The following DPP10 variants were observed in gnomAD, a reference collection of about 807,000 sequenced individuals.
DPP10 encodes dipeptidyl peptidase like 10, also known as inactive dipeptidyl peptidase 10.
In DPP10, 33 loss-of-function variants were observed where a neutral mutation model predicts 120.9. The ratio of observed to expected loss-of-function variants is 0.27; its 90% CI spans 0.21 to 0.37. The LOEUF (loss-of-function observed/expected upper bound fraction) is 0.37, where lower values mean the gene tolerates loss of function less well. Among genes scored for constraint, DPP10 ranks in the 10% least tolerant of loss-of-function variants. DPP10 has a pLI of 1.00. For missense variants in DPP10, 816 were observed against 942.8 expected, an observed-to-expected ratio of 0.87 and a Z score of 1.76; for synonymous variants, 337 against 326.1, an observed-to-expected ratio of 1.03 and a Z score of -0.36.
chr2:115,694,488 G>A (rs981044323), intron 7 of DPP10, among the ~76,000 whole-genome samples: 1 of 152,110 alleles, frequency 6.6e-6, no homozygotes, highest in Non-Finnish European at 1.5e-5. Flanking sequence ...GTGAGTAAAG[G>A]CAATTTAGAT....
At chr2:115,261,693 T>C (rs2059256721) in intron 1 of DPP10, among the ~76,000 whole-genome samples, 1 of 152,238 alleles carries the variant, frequency 6.6e-6, no homozygotes. Context: ...TTGTACTACA[T>C]CCAGTGGTTA....
chr2:114,583,351 A>G (rs1376462835), intron 1 of DPP10, among the ~76,000 whole-genome samples: 1 of 152,228 alleles, frequency 6.6e-6, no homozygotes, highest in Non-Finnish European at 1.5e-5. Flanking sequence ...TTTTTAACTA[A>G]GAAGACAAAA....
chr2:115,277,276 A>T (rs2105848891), intron 1 of DPP10, among the ~76,000 whole-genome samples: 1 of 152,256 alleles, frequency 6.6e-6, no homozygotes, highest in Non-Finnish European at 1.5e-5. Context: ...AAGTCCAGAA[A>T]ACGCTGCAAA....
intron 3 of DPP10, among the ~76,000 whole-genome samples, chr2:115,411,671 T>A (rs904057468): frequency 1.3e-5 from 2 of 152,218 alleles, no homozygotes; most frequent in Non-Finnish European, 1.5e-5. Flanking sequence ...GAGTAAGCTG[T>A]CATTTTATGC....
chr2:114,772,079 G>C lies in DPP10; in HGVS notation c.60+329241G>C, dbSNP rs1681313838. On this transcript the variant is annotated intron_variant, in intron 1 of 25. Coordinates refer to ENST00000410059, the MANE Select transcript of DPP10 (RefSeq NM_020868.6). ...TACCCTAATAGTCTTTGCTAAAAGA[G>C]CTGAGATACATAAAATTATTTTTTC... is the stretch of plus-strand genomic sequence containing the variant. Among the ~76,000 whole-genome samples the C allele has an allele frequency of 2.0e-5, 3 of 151,828 alleles. No homozygotes were observed. The East Asian group carries it at 5.8e-4, about 29-fold the overall frequency.
At chr2:114,860,143 A>G (rs1306361779) in intron 1 of DPP10, among the ~76,000 whole-genome samples, 3 of 152,214 alleles carry the variant, frequency 2.0e-5, no homozygotes, top group Non-Finnish European at 2.9e-5. Context: ...AATTAACCAC[A>G]TAAGCTAATT....
At chr2:115,408,545 ACT>A (rs1361972104) in intron 3 of DPP10, among the ~76,000 whole-genome samples, 1 of 152,100 alleles carries the variant, frequency 6.6e-6, no homozygotes, top group African/African-American at 2.4e-5. Flanking sequence ...TACGTGTAAC[ACT>A]CTCAAAGGGA....
At chr2:115,347,464 A>G (rs1347143346) in intron 3 of DPP10, among the ~76,000 whole-genome samples, 2 of 152,080 alleles carry the variant, frequency 1.3e-5, no homozygotes, top group African/African-American at 4.8e-5. Flanking sequence ...GTTTGCTTGG[A>G]AAGAGGGATG....
At chr2:115,058,404 TTTTTA>T (rs909852604) in intron 1 of DPP10, among the ~76,000 whole-genome samples, 17 of 152,060 alleles carry the variant, frequency 1.1e-4, no homozygotes, top group African/African-American at 3.4e-4. Flanking sequence ...CTCTTTGTCT[TTTTTA>T]TTTTATTTTA....
chr2:115,510,478 G>A (rs916685404), intron 4 of DPP10, among the ~76,000 whole-genome samples: 1 of 151,954 alleles, frequency 6.6e-6, no homozygotes, highest in Non-Finnish European at 1.5e-5. Context: ...ATATGATTTT[G>A]TCTTGGGACT....
chr2:115,234,016 T>C (rs1206851646), intron 1 of DPP10: 3 of 505,624 alleles, frequency 5.9e-6, no homozygotes, highest in Non-Finnish European at 1.2e-5. Context: ...GGGAAATGCT[T>C]TTCAAGGTAC....
rs182199960 is a variant in DPP10 at position 114,708,753 on chromosome 2, T to C, written c.60+265915T>C. Among the ~76,000 whole-genome samples, 116 of 152,216 alleles carry C rather than the reference T, an allele frequency of 7.6e-4. 1 individual carries two copies. Among genetic ancestry groups the C allele is most frequent in the Admixed American group, 2.6e-4 (4 of 15,276 alleles). ...CTCGTTTACTTTTGTTTGTTTTTGT[T>C]TTTTGTTTTTTGTTTTTTTTGAGAT... On this transcript the variant is annotated intron_variant, in intron 1 of 25. Coordinates refer to ENST00000410059, the MANE Select transcript of DPP10 (RefSeq NM_020868.6).
intron 5 of DPP10, among the ~76,000 whole-genome samples, chr2:115,687,707 C>A (rs1445244546): frequency 6.6e-6 from 1 of 152,006 alleles, no homozygotes; most frequent in Non-Finnish European, 1.5e-5. Context: ...TCCAATCACA[C>A]CATTTGAAGA....
intron 1 of DPP10, among the ~76,000 whole-genome samples, chr2:114,559,604 G>C (rs906166003): frequency 2.0e-5 from 3 of 152,058 alleles, no homozygotes; most frequent in Admixed American, 2.0e-4. Context: ...ACCCACTCTA[G>C]CTCTCTCGCC....
intron 3 of DPP10, among the ~76,000 whole-genome samples, chr2:115,437,585 G>T (rs926084300): frequency 5.3e-5 from 8 of 152,018 alleles, no homozygotes; most frequent in African/African-American, 1.7e-4. Flanking sequence ...ACAGATAAAC[G>T]TATATGTGGT....
chr2:115,230,309 A>G (rs139445548), intron 1 of DPP10, among the ~76,000 whole-genome samples: 1 of 152,124 alleles, frequency 6.6e-6, no homozygotes, highest in African/African-American at 2.4e-5. Context: ...ATTAGTTTGA[A>G]TAGTCCTTGG....
chr2:114,474,946 G>C (rs1411970145), intron 1 of DPP10, among the ~76,000 whole-genome samples: 2 of 152,186 alleles, frequency 1.3e-5, no homozygotes, highest in Non-Finnish European at 2.9e-5. Context: ...TGAGGAACCT[G>C]GAGGCCTTGC....
intron 10 of DPP10, among the ~76,000 whole-genome samples, chr2:115,747,452 AT>A (rs1678126452): frequency 6.6e-6 from 1 of 152,122 alleles, no homozygotes; most frequent in Non-Finnish European, 1.5e-5. Flanking sequence ...CTTAACTCTT[AT>A]CTTTTTCTCT....
chr2:114,621,254 C>A (rs1694071019), intron 1 of DPP10, among the ~76,000 whole-genome samples: 1 of 152,042 alleles, frequency 6.6e-6, no homozygotes, highest in Non-Finnish European at 1.5e-5. Context: ...ACTTAAGAAC[C>A]AAACTTCTAG....
Sources: allele counts gnomAD v4.1 joint callset (sites outside exome capture counted in the v4.1 genomes callset), GRCh38; gene constraint gnomAD v4.1.1; transcripts MANE v1.5; gene names NCBI Gene and HGNC (gene_info 2026-07-23, HGNC 2026-07-21).